ERICH1: variants seen among roughly 807,000 people sequenced by gnomAD.
ERICH1 encodes glutamate rich 1, also known as glutamate-rich protein 1.
ERICH1 carries 56 observed loss-of-function variants against 39.6 expected under a neutral mutation model. The ratio of observed to expected loss-of-function variants is 1.41; its 90% CI spans 1.14 to 1.77. ERICH1 has a LOEUF of 1.77. ERICH1 is among the 40% of genes most tolerant of loss of function. The pLI is 0.00. For missense variants in ERICH1, 826 were observed against 575.4 expected, an observed-to-expected ratio of 1.44 and a Z score of -4.45; for synonymous variants, 313 against 223.6, an observed-to-expected ratio of 1.40 and a Z score of -3.57.
intron 1 of ERICH1, among the ~76,000 whole-genome samples, chr8:724,443 T>A (rs138246461): frequency 7.9e-5 from 12 of 152,288 alleles, no homozygotes; most frequent in Admixed American, 7.2e-4. Flanking sequence ...GCGGCTGCAA[T>A]AGTTTTCATT....
chr8:715,418 G>A (rs571766365), intron 2 of ERICH1, among the ~76,000 whole-genome samples: 1 of 152,300 alleles, frequency 6.6e-6, no homozygotes, highest in African/African-American at 2.4e-5. Flanking sequence ...GCTTAACATG[G>A]GGCTGTCATG....
chr8:674,199 G>C (rs1804130506), intron 3 of ERICH1, 152 bp from the exon 4 acceptor site: 3 of 859,890 alleles, frequency 3.5e-6, no homozygotes, highest in South Asian at 2.0e-5. Flanking sequence ...TACCATCAAA[G>C]ATCCTAGGAC....
At chr8:629,636 AGAGCTGACT>A in intron 3 of ERICH1, among the ~76,000 whole-genome samples, 1 of 136,034 alleles carries the variant, frequency 7.4e-6, no homozygotes, top group East Asian at 2.2e-4. Flanking sequence ...CCCCAGAGAC[AGAGCTGACT>A]CACACCCGCC....
Position 708,681 on chromosome 8 carries a change from G to GTTTTTTGTTTTTTT in ERICH1, c.169+7179_169+7180insAAAAAAACAAAAAA. Among the ~76,000 whole-genome samples the GTTTTTTGTTTTTTT allele has an allele frequency of 7.6e-4, 50 of 65,766 alleles. 5 individuals carry two copies. The highest frequency in any genetic ancestry group is 9.6e-3 in the Middle Eastern group (1 of 104). The allele number at this position is 65,766 out of a possible 152,430, so 43.1% of individuals were successfully genotyped here. On this transcript the variant is annotated intron_variant, in intron 2 of 5. Transcript: ENST00000262109. ...GGGCTGAGTGGTTACGGGATAATGA[G>GTTTTTTGTTTTTTT]TTTTTTTTTTTTTTTTTTTTTTTTT...
intron 1 of ERICH1, among the ~76,000 whole-genome samples, chr8:718,272 T>A (rs1816490976): frequency 6.6e-6 from 1 of 151,888 alleles, no homozygotes; most frequent in Non-Finnish European, 1.5e-5. Flanking sequence ...CACACCAGGG[T>A]ACGGATTGGA....
At chr8:723,406 C>T (rs148089898) in intron 1 of ERICH1, among the ~76,000 whole-genome samples, 1 of 152,296 alleles carries the variant, frequency 6.6e-6, no homozygotes, top group Non-Finnish European at 1.5e-5. Context: ...GACTTACAAA[C>T]AGAAAAGTGA....
chr8:692,917 C>T (rs1563276612), intron 2 of ERICH1, among the ~76,000 whole-genome samples: 1 of 152,212 alleles, frequency 6.6e-6, no homozygotes, highest in Non-Finnish European at 1.5e-5. Context: ...ATAACTAATT[C>T]ATGAGTATAA....
intron 1 of ERICH1, among the ~76,000 whole-genome samples, chr8:722,588 C>A (rs1817580307): frequency 6.6e-6 from 1 of 152,224 alleles, no homozygotes; most frequent in South Asian, 2.1e-4. Context: ...CTATTCAATT[C>A]TAAACTCTTC....
intron 3 of ERICH1, among the ~76,000 whole-genome samples, chr8:654,337 G>C (rs1337336092): frequency 2.6e-5 from 4 of 152,136 alleles, no homozygotes; most frequent in Non-Finnish European, 5.9e-5. Context: ...CATTAGGATG[G>C]ATGGCCAGGA....
intron 5 of ERICH1, among the ~76,000 whole-genome samples, chr8:665,689 G>A (rs1802107016): frequency 6.6e-6 from 1 of 152,232 alleles, no homozygotes; most frequent in Non-Finnish European, 1.5e-5. Flanking sequence ...CTGATAAAGA[G>A]TACGTGTAAT....
At chr8:694,175 C>T (rs1809598121) in intron 2 of ERICH1, among the ~76,000 whole-genome samples, 1 of 152,154 alleles carries the variant, frequency 6.6e-6, no homozygotes, top group African/African-American at 2.4e-5. Flanking sequence ...TTTCAGGTTC[C>T]ACTGTAGTCA....
At chr8:641,005 C>G (rs899737640) in intron 3 of ERICH1, 2 of 152,168 alleles carry the variant, frequency 1.3e-5, no homozygotes. Context: ...TTCTGCCTCA[C>G]GTGGGATTCG....
At chr8:668,876 G>T (rs1056005049) in intron 4 of ERICH1, 84 bp from the exon 5 acceptor site, 2 of 1,274,390 alleles carry the variant, frequency 1.6e-6, no homozygotes, top group Admixed American at 2.5e-5. Context: ...CTTAAGGAAG[G>T]TCTCAAACCT....
intron 4 of ERICH1, among the ~76,000 whole-genome samples, chr8:670,453 C>T (rs1200637432): frequency 6.6e-6 from 1 of 152,148 alleles, no homozygotes; most frequent in Non-Finnish European, 1.5e-5. Context: ...CTAGAGGGCT[C>T]ACCCTTTGCT....
chr8:689,066 C>G (rs566025874), intron 3 of ERICH1, among the ~76,000 whole-genome samples: 3 of 152,242 alleles, frequency 2.0e-5, no homozygotes, highest in African/African-American at 7.2e-5. Context: ...TGATATTTTC[C>G]CAGAGAGGTA....
At chr8:661,149 A>T (rs1169356427), downstream of ERICH1, among the ~76,000 whole-genome samples, 1 of 152,154 alleles carries the variant, frequency 6.6e-6, no homozygotes, top group Non-Finnish European at 1.5e-5. Context: ...AGATGCATGC[A>T]CATTTCTTAT....
rs1353031200 is a variant in ERICH1, at chr8:692,509, GGGGCTCCCACAGCTGCT to G, written c.256_272del (p.Ser86ArgfsTer8). 6.2e-7 allele frequency: 1 copy of G among 1,613,790 alleles called. No individual in the cohort carries two copies. Among genetic ancestry groups the G allele is most frequent in the African/African-American group, 1.3e-5 (1 of 74,872 alleles). ...TGTCATCCCCGCTGGAGGCGTTCTCGGGGCTCCCACAGCTGCTGGGCTCCGGCCAACAGGGGACGTAG... is the reference window on the plus strand; with the variant it reads ...TGTCATCCCCGCTGGAGGCGTTCTCGGGGCTCCGGCCAACAGGGGACGTAG... On this transcript the variant is annotated frameshift_variant, in exon 3 of 6. Coordinates refer to ENST00000262109, the MANE Select transcript of ERICH1 (RefSeq NM_207332.3). LOFTEE classifies it high-confidence loss of function.
At chr8:620,327 C>A (rs1440876438) in intron 3 of ERICH1, among the ~76,000 whole-genome samples, 1 of 151,784 alleles carries the variant, frequency 6.6e-6, no homozygotes, top group African/African-American at 2.4e-5. Flanking sequence ...ATAAATAAAT[C>A]AATAAAAAAG....
chr8:650,238 T>C (rs1245678562), intron 3 of ERICH1, among the ~76,000 whole-genome samples: 3 of 152,152 alleles, frequency 2.0e-5, no homozygotes, highest in Middle Eastern at 3.2e-3. Flanking sequence ...GACGCCGGCC[T>C]CCGCCAGGCC....
Sources: allele counts gnomAD v4.1 joint callset (sites outside exome capture counted in the v4.1 genomes callset), GRCh38; gene constraint gnomAD v4.1.1; transcripts MANE v1.5; gene names NCBI Gene and HGNC (gene_info 2026-07-23, HGNC 2026-07-21).